Variants in SACM1L observed in about 807,000 individuals in gnomAD.
SACM1L encodes phosphatidylinositol-3-phosphatase SAC1.
Under a neutral mutation model 89.5 loss-of-function variants are expected in SACM1L, and 32 were observed. That is an observed-to-expected ratio of 0.36 (90% CI 0.27 to 0.48). The LOEUF (loss-of-function observed/expected upper bound fraction) is 0.48, where lower values mean the gene tolerates loss of function less well. Ranked by LOEUF, SACM1L falls within the 20% of genes least tolerant of loss-of-function variation. The pLI, the probability that SACM1L is intolerant of heterozygous loss-of-function variation, is 0.99. For synonymous variants in SACM1L, 213 were observed against 232.8 expected (o/e 0.92, Z 0.77); for missense variants, 543 against 708.5 (o/e 0.77, Z 2.65).
At position 45,738,873 on chromosome 3, in the gene SACM1L, T is replaced by C; in HGVS notation, c.1569T>C (p.Ala523=). The C allele has an allele frequency of 5.1e-6, 8 of 1,581,406 alleles. No individual in the cohort carries two copies. The highest frequency in any genetic ancestry group is 6.9e-6 in the Non-Finnish European group (8 of 1,154,150). Residue 523 remains alanine, a splice_region_variant and synonymous_variant, in exon 18 of 20, where the codon GCT becomes GCC. Transcript: ENST00000389061. ...TTCCAAGGGACTGGAAATTCCTGGC[T>C]GTAAGAAACCATTTTGTATTTTTCA... is the stretch of plus-strand genomic sequence containing the variant. ...LSVPRDWKFL[A]LPIIMVVAFS...
At chr3:45,700,899 T>G (rs778198370) in intron 1 of SACM1L, among the ~76,000 whole-genome samples, 37 of 152,210 alleles carry the variant, frequency 2.4e-4, no homozygotes, top group Non-Finnish European at 4.1e-4. Context: ...CTCGAACACC[T>G]GACCTTAAAT....
At chr3:45,726,964 C>G (rs1698937330) in intron 11 of SACM1L, among the ~76,000 whole-genome samples, 1 of 25,336 alleles carries the variant, frequency 3.9e-5, no homozygotes, top group Non-Finnish European at 9.9e-5. Flanking sequence ...CGGCTCACTG[C>G]AAGCTCCGCT....
intron 19 of SACM1L, chr3:45,742,530 A>AGG (rs1699337775): frequency 1.3e-5 from 2 of 152,246 alleles, no homozygotes; most frequent in South Asian, 2.1e-4. Flanking sequence ...CAGAGAGAGA[A>AGG]GCTATTCTCT....
chr3:45,737,836 CTT>C lies in SACM1L; in HGVS notation c.1376_1377del (p.Phe459TyrfsTer24). 1 of 1,613,372 alleles carries C rather than the reference CTT, an allele frequency of 6.2e-7. No homozygotes were observed. The highest frequency in any genetic ancestry group is 8.5e-7 in the Non-Finnish European group (1 of 1,179,344). Reference protein sequence around the residue: ...YAGTGALKTDFTRTGKRTHLG... With the variant: ...YAGTGALKTDXTRTGKRTHLG... ...CGGGAACTGGTGCCTTGAAGACTGACTTTACCAGGCAAGCCATGCTTTTAAAA... is the reference window on the plus strand; with the variant it reads ...CGGGAACTGGTGCCTTGAAGACTGACTACCAGGCAAGCCATGCTTTTAAAA... On this transcript the variant is annotated frameshift_variant, in exon 16 of 20. Coordinates refer to ENST00000389061, the MANE Select transcript of SACM1L (RefSeq NM_014016.5). LOFTEE classifies it high-confidence loss of function.
chr3:45,694,316 CTGTGAGG>C (rs1172988880), intron 1 of SACM1L, among the ~76,000 whole-genome samples: 4 of 152,098 alleles, frequency 2.6e-5, no homozygotes, highest in Non-Finnish European at 4.4e-5. Flanking sequence ...AGTCTCATAA[CTGTGAGG>C]TCATCAGTCA....
intron 13 of SACM1L, among the ~76,000 whole-genome samples, chr3:45,733,405 G>A (rs1313948160): frequency 6.6e-6 from 1 of 152,168 alleles, no homozygotes; most frequent in Non-Finnish European, 1.5e-5. Flanking sequence ...AAGTGAAGAT[G>A]ATAACTTACT....
intron 19 of SACM1L, among the ~76,000 whole-genome samples, chr3:45,740,936 C>T (rs1175583931): frequency 6.6e-6 from 1 of 152,176 alleles, no homozygotes; most frequent in Non-Finnish European, 1.5e-5. Context: ...CCTGAGGAGA[C>T]AAGGTCTTTA....
intron 1 of SACM1L, among the ~76,000 whole-genome samples, chr3:45,694,343 T>C (rs759392293): frequency 2.0e-5 from 3 of 152,168 alleles, no homozygotes; most frequent in Non-Finnish European, 4.4e-5. Flanking sequence ...AGGGCAGATA[T>C]GATCCAACCT....
At chr3:45,703,796 T>C (rs944566322) in intron 2 of SACM1L, among the ~76,000 whole-genome samples, 2 of 152,184 alleles carry the variant, frequency 1.3e-5, no homozygotes, top group African/African-American at 4.8e-5. Context: ...ATATTTATTA[T>C]TTTTTTCCCT....
intron 1 of SACM1L, among the ~76,000 whole-genome samples, chr3:45,697,466 G>T (rs746743715): frequency 6.6e-6 from 1 of 151,334 alleles, no homozygotes; most frequent in South Asian, 2.1e-4. Context: ...TTGTAGAAAC[G>T]GGGTTTTGCC....
intron 4 of SACM1L, among the ~76,000 whole-genome samples, chr3:45,708,299 C>T (rs962994750): frequency 6.6e-6 from 1 of 152,066 alleles, no homozygotes; most frequent in Non-Finnish European, 1.5e-5. Context: ...TTGCCCTGTT[C>T]TGATTCTTTG....
intron 12 of SACM1L, among the ~76,000 whole-genome samples, 194 bp downstream of exon 12, chr3:45,731,574 G>C (rs114777318): frequency 2.4e-3 from 369 of 152,296 alleles, no homozygotes; most frequent in African/African-American, 8.5e-3. Flanking sequence ...TTTCAGTCAA[G>C]TTTTGAGTTT....
intron 1 of SACM1L, chr3:45,689,820 T>C: frequency 1.9e-6 from 1 of 518,356 alleles, no homozygotes; most frequent in Non-Finnish European, 3.4e-6. Flanking sequence ...CCACTTTCTA[T>C]GCAGAGCTAC....
chr3:45,737,933 G>A, intron 16 of SACM1L, 89 bp downstream of exon 16: 2 of 1,040,788 alleles, frequency 1.9e-6, no homozygotes, highest in Admixed American at 2.0e-5. Flanking sequence ...TCAGACAGCA[G>A]CAGCAACAAC....
intron 7 of SACM1L, among the ~76,000 whole-genome samples, chr3:45,717,028 C>T (rs773954600): frequency 2.6e-5 from 4 of 152,144 alleles, no homozygotes; most frequent in Middle Eastern, 3.4e-3. Context: ...TGCCCTGGCT[C>T]GAAATAGATA....
rs1047100190 is a variant in SACM1L, at chr3:45,728,131, C to T, written c.922-3170C>T. On this transcript the variant is annotated intron_variant, in intron 11 of 19. Coordinates refer to ENST00000389061, the MANE Select transcript of SACM1L (RefSeq NM_014016.5). ...CCAGCTCTTTTTTGATTACTATTTG[C>T]ACAAAATATCTTTTTTCATCCTTTC... 2.0e-5 allele frequency among the ~76,000 whole-genome samples: 3 copies of T among 152,068 alleles called. No homozygotes were observed. The East Asian group carries it at 5.8e-4, about 29-fold the overall frequency.
intron 1 of SACM1L, among the ~76,000 whole-genome samples, chr3:45,701,388 C>T (rs1002925410): frequency 1.3e-5 from 2 of 152,060 alleles, no homozygotes; most frequent in Non-Finnish European, 2.9e-5. Flanking sequence ...CATCACCTGC[C>T]GCATAGCCCC....
intron 18 of SACM1L, 147 bp from the exon 19 acceptor site, chr3:45,739,437 AAAT>A: frequency 1.4e-6 from 1 of 736,446 alleles, no homozygotes; most frequent in Non-Finnish European, 2.4e-6. Context: ...TTGAACCCAT[AAAT>A]AATAATGTTT....
At chr3:45,699,432 A>G (rs1698210537) in intron 1 of SACM1L, among the ~76,000 whole-genome samples, 1 of 150,344 alleles carries the variant, frequency 6.7e-6, no homozygotes, top group African/African-American at 2.4e-5. Flanking sequence ...TTCTTTATAA[A>G]AATGTTTTGT....
Sources: gnomAD v4.1 joint callset for allele counts (sites outside exome capture counted in the v4.1 genomes callset) on GRCh38, gnomAD v4.1.1 for gene constraint, MANE v1.5 for transcripts, NCBI Gene and HGNC (gene_info 2026-07-23, HGNC 2026-07-21) for gene names.